DCDC1: variants seen among roughly 807,000 people sequenced by gnomAD.
DCDC1 encodes the protein doublecortin domain containing 1.
A neutral mutation model predicts 178.3 loss-of-function variants in DCDC1; 200 were observed. That is an observed-to-expected ratio of 1.12 (90% confidence interval 1.00 to 1.26). The LOEUF is 1.26. Ranked by LOEUF, DCDC1 falls within the 50% of genes most tolerant of loss-of-function variation. The pLI, the probability that DCDC1 is intolerant of heterozygous loss-of-function variation, is 0.00. For synonymous variants in DCDC1, 690 were observed against 604.8 expected, an observed-to-expected ratio of 1.14 and a Z score of -2.07; for missense variants, 1,983 against 1,749.2, an observed-to-expected ratio of 1.13 and a Z score of -2.38.
intron 9 of DCDC1, among the ~76,000 whole-genome samples, chr11:31,138,198 T>G (rs1356188951): frequency 6.6e-6 from 1 of 152,302 alleles, no homozygotes; most frequent in East Asian, 1.9e-4. Flanking sequence ...TGACATAAAC[T>G]AAATGTGTCA....
chr11:30,893,222 TA>T (rs1262791003), intron 35 of DCDC1, among the ~76,000 whole-genome samples: 1 of 152,170 alleles, frequency 6.6e-6, no homozygotes, highest in Non-Finnish European at 1.5e-5. Context: ...ATAATAATAA[TA>T]ATAAGGCACT....
chr11:31,040,289 A>G (rs1324503936), intron 20 of DCDC1, among the ~76,000 whole-genome samples: 1 of 152,216 alleles, frequency 6.6e-6, no homozygotes, highest in East Asian at 1.9e-4. Flanking sequence ...AATTACATAT[A>G]TTTGTGTTTT....
chr11:30,956,131 T>C (rs1330985314), intron 20 of DCDC1, among the ~76,000 whole-genome samples: 1 of 152,204 alleles, frequency 6.6e-6, no homozygotes, highest in Non-Finnish European at 1.5e-5. Context: ...CTCACAGACT[T>C]TCAAATTTCC....
chr11:31,205,001 T>C (rs1175671542), intron 9 of DCDC1, among the ~76,000 whole-genome samples: 1 of 152,212 alleles, frequency 6.6e-6, no homozygotes, highest in Non-Finnish European at 1.5e-5. Flanking sequence ...CAGTAGGCTT[T>C]GGATTCTGAG....
At chr11:30,871,253 A>G (rs768672117) in intron 38 of DCDC1, among the ~76,000 whole-genome samples, 6 of 152,190 alleles carry the variant, frequency 3.9e-5, no homozygotes, top group Non-Finnish European at 8.8e-5. Context: ...TCGGATAAGT[A>G]GAAAATTCAC....
intron 8 of DCDC1, among the ~76,000 whole-genome samples, chr11:31,260,564 A>G (rs946929819): frequency 6.6e-6 from 1 of 152,226 alleles, no homozygotes; most frequent in Non-Finnish European, 1.5e-5. Flanking sequence ...CAATTTAATT[A>G]ATGTAGTATT....
chr11:31,038,852 T>C (rs749168472), intron 20 of DCDC1, among the ~76,000 whole-genome samples: 1 of 151,374 alleles, frequency 6.6e-6, no homozygotes, highest in Non-Finnish European at 1.5e-5. Context: ...TAAGAAAAGA[T>C]ATCTTTTGAT....
intron 1 of DCDC1, among the ~76,000 whole-genome samples, chr11:31,341,636 A>G (rs1187284572): frequency 6.6e-6 from 1 of 152,042 alleles, no homozygotes; most frequent in African/African-American, 2.4e-5. Flanking sequence ...CAATTTTAAC[A>G]CTATAGTAAG....
In DCDC1 at chr11:31,253,571, G is replaced by A. The variant is rs12422128; in HGVS notation, c.1054+11936C>T. On this transcript the variant is annotated intron_variant, in intron 8 of 38. Transcript: ENST00000684477. The stretch of plus-strand genomic sequence containing the variant: ...TATGATACAGAAAAAAACAAAAGAG[G>A]TTATGAAAAGAAGGTATTAGTAAAC... Among the ~76,000 whole-genome samples the A allele has an allele frequency of 9.5e-3, 1,438 of 152,124 alleles. 65 individuals are homozygous for A. Among genetic ancestry groups the A allele is most frequent in the Admixed American group, 0.081 (1,234 of 15,282 alleles).
intron 7 of DCDC1, among the ~76,000 whole-genome samples, chr11:31,278,897 T>C (rs1404962542): frequency 2.0e-5 from 3 of 152,152 alleles, no homozygotes; most frequent in Non-Finnish European, 4.4e-5. Context: ...TTTGCTCCTG[T>C]TTAAAACTGA....
intron 7 of DCDC1, among the ~76,000 whole-genome samples, chr11:31,271,966 G>C (rs1945590381): frequency 6.6e-6 from 1 of 152,140 alleles, no homozygotes; most frequent in Non-Finnish European, 1.5e-5. Flanking sequence ...TTTGAGACCA[G>C]CCTGGCCAAC....
chr11:31,043,728 AT>A (rs1954630028), intron 20 of DCDC1, among the ~76,000 whole-genome samples: 1 of 151,818 alleles, frequency 6.6e-6, no homozygotes, highest in Non-Finnish European at 1.5e-5. Flanking sequence ...AGGGTATGTG[AT>A]ATTTAATTAT....
intron 20 of DCDC1, among the ~76,000 whole-genome samples, chr11:31,020,006 C>A (rs1214915570): frequency 6.6e-6 from 1 of 152,170 alleles, no homozygotes; most frequent in Non-Finnish European, 1.5e-5. Context: ...TCCCTTTCAA[C>A]CCCTTCATGG....
At chr11:31,087,452 T>A (rs558830042) in intron 17 of DCDC1, among the ~76,000 whole-genome samples, 3 of 152,204 alleles carry the variant, frequency 2.0e-5, no homozygotes, top group African/African-American at 7.2e-5. Context: ...TGATTTAATA[T>A]CTTTCTTCTT....
chr11:31,122,325 C>T (rs868695874), intron 11 of DCDC1, among the ~76,000 whole-genome samples: 2 of 152,018 alleles, frequency 1.3e-5, no homozygotes, highest in Non-Finnish European at 1.5e-5. Context: ...TTGTGGGGTG[C>T]TATTGGTTAT....
intron 15 of DCDC1, among the ~76,000 whole-genome samples, chr11:31,100,601 A>C (rs1958442587): frequency 6.6e-6 from 1 of 152,218 alleles, no homozygotes; most frequent in South Asian, 2.1e-4. Context: ...GCAAAGAACA[A>C]TACAAGCCAT....
chr11:31,118,427 C>A (rs1173091718), intron 11 of DCDC1, among the ~76,000 whole-genome samples: 1 of 152,066 alleles, frequency 6.6e-6, no homozygotes, highest in East Asian at 1.9e-4. Flanking sequence ...AAATTCATCA[C>A]CCCATTTTCA....
At chr11:31,264,387 T>C (rs983645285) in intron 8 of DCDC1, among the ~76,000 whole-genome samples, 2 of 151,968 alleles carry the variant, frequency 1.3e-5, no homozygotes, top group Non-Finnish European at 2.9e-5. Flanking sequence ...TGGAAAGTAC[T>C]AGGAAAACAA....
intron 9 of DCDC1, among the ~76,000 whole-genome samples, chr11:31,235,305 T>C (rs1393195191): frequency 6.6e-6 from 1 of 151,832 alleles, no homozygotes; most frequent in Admixed American, 6.6e-5. Context: ...GCATTAATAA[T>C]ATATTAATGC....
Sources: allele counts gnomAD v4.1 joint callset (sites outside exome capture counted in the v4.1 genomes callset), GRCh38; gene constraint gnomAD v4.1.1; transcripts MANE v1.5; gene names NCBI Gene and HGNC (gene_info 2026-07-23, HGNC 2026-07-21).